LMF1: variants seen among roughly 807,000 people sequenced by gnomAD.
The protein encoded by LMF1 is transmembrane protein 112.
LMF1 carries 68 observed loss-of-function variants against 60.6 expected under a neutral mutation model. That is an observed-to-expected ratio of 1.12 (90% confidence interval 0.92 to 1.37). LMF1 has a LOEUF of 1.37. Among genes scored for constraint, LMF1 ranks in the 40% most tolerant of loss-of-function variants. The pLI, the probability that LMF1 is intolerant of heterozygous loss-of-function variation, is 0.00. For synonymous variants in LMF1, 418 were observed against 324.7 expected (o/e 1.29, Z -3.09); for missense variants, 948 against 767.2 (o/e 1.24, Z -2.78).
Position 953,351 on chromosome 16 carries a change from T to C in LMF1, c.503+1006A>G, listed in dbSNP as rs202026204. ...CACCCCAAACCAGCTTCCTACACGT[T>C]CACACAGACACGGACCCCAAACCAG... On this transcript the variant is annotated intron_variant, in intron 2 of 10. Coordinates refer to ENST00000262301, the MANE Select transcript of LMF1 (RefSeq NM_022773.4). Among the ~76,000 whole-genome samples, 100 of 37,770 alleles carry C rather than the reference T, an allele frequency of 2.6e-3. 1 individual carries two copies. Among genetic ancestry groups the C allele is most frequent in the Non-Finnish European group, 3.2e-3 (56 of 17,722 alleles). The allele number at this position is 37,770 out of a possible 152,430, so 24.8% of individuals were successfully genotyped here.
intron 6 of LMF1, among the ~76,000 whole-genome samples, chr16:875,008 G>A (rs1179616373): frequency 6.6e-6 from 1 of 152,164 alleles, no homozygotes; most frequent in South Asian, 2.1e-4. Context: ...ACTGCCGGCC[G>A]ACCATCTTGT....
chr16:934,376 T>C (rs954578677), intron 2 of LMF1, 122 bp from the exon 3 acceptor site: 10 of 1,270,196 alleles, frequency 7.9e-6, no homozygotes, highest in East Asian at 2.4e-5. Context: ...AGGGAAGCCC[T>C]GCGAGGAGGA....
chr16:977,993 C>G (rs1466972243), intron 1 of LMF1, among the ~76,000 whole-genome samples: 1 of 134,152 alleles, frequency 7.5e-6, no homozygotes, highest in Non-Finnish European at 1.6e-5. Context: ...CACATACACG[C>G]ACACACACAC....
At chr16:936,084 G>C (rs561434868) in intron 2 of LMF1, among the ~76,000 whole-genome samples, 1 of 147,970 alleles carries the variant, frequency 6.8e-6, no homozygotes, top group East Asian at 2.0e-4. Context: ...AAGGCTGGGA[G>C]GGAGAGAGGG....
At position 853,743 on chromosome 16, in the gene LMF1, CGAT is replaced by C. The variant is rs1567124275; in HGVS notation, c.*786_*788del. 2.2e-6 allele frequency: 1 copy of C among 454,102 alleles called. No individual in the cohort carries two copies. The highest frequency in any genetic ancestry group is 4.4e-6 in the Non-Finnish European group (1 of 226,786). 28.1% of individuals were successfully genotyped at this position (454,102 alleles called of 1,614,324 possible). ...TGTGCAGTAGACGCTGTTTGTCCGA[CGAT>C]GATGAAAGTGTGCACGGCCGGCTGT... On this transcript the variant is annotated 3_prime_UTR_variant, in exon 11 of 11. Coordinates refer to ENST00000262301, the MANE Select transcript of LMF1 (RefSeq NM_022773.4).
At chr16:925,145 T>C (rs57312130) in intron 3 of LMF1, among the ~76,000 whole-genome samples, 18,546 of 152,270 alleles carry the variant, frequency 0.12, 1,281 homozygotes, top group Non-Finnish European at 0.16. Flanking sequence ...TTGCTCACTG[T>C]CACTGTCACT....
chr16:920,298 C>A (rs548357353), intron 3 of LMF1, among the ~76,000 whole-genome samples: 2 of 152,376 alleles, frequency 1.3e-5, no homozygotes, highest in South Asian at 4.1e-4. Flanking sequence ...TCTCTACACA[C>A]CACACCCCAA....
intron 2 of LMF1, 36 bp from the exon 3 acceptor site, chr16:934,290 T>C (rs757668601): frequency 3.8e-6 from 6 of 1,598,918 alleles, no homozygotes; most frequent in Admixed American, 1.7e-5. Flanking sequence ...ATTAACACTT[T>C]GGCTTGTTTC....
intron 1 of LMF1, 25 bp downstream of exon 1, chr16:970,763 T>G: frequency 6.6e-7 from 1 of 1,503,936 alleles, no homozygotes; most frequent in Non-Finnish European, 8.9e-7. Context: ...CACTGGCGGA[T>G]GTCCCGGGCC....
intron 3 of LMF1, among the ~76,000 whole-genome samples, chr16:914,641 C>G (rs1030584810): frequency 5.0e-4 from 76 of 152,128 alleles, no homozygotes; most frequent in Non-Finnish European, 8.7e-4. Context: ...GACACACTCC[C>G]TCCCTCCTCA....
intron 1 of LMF1, among the ~76,000 whole-genome samples, chr16:977,270 A>G (rs1168586438): frequency 6.6e-6 from 1 of 152,198 alleles, no homozygotes; most frequent in African/African-American, 2.4e-5. Context: ...GAGACAGTGA[A>G]GTACAGGGAG....
At chr16:977,378 A>T (rs1390795515) in intron 1 of LMF1, among the ~76,000 whole-genome samples, 1 of 152,134 alleles carries the variant, frequency 6.6e-6, no homozygotes, top group African/African-American at 2.4e-5. Flanking sequence ...TCTCCCCTGG[A>T]GACCCGTCCG....
chr16:981,131 T>C (rs761115758), intron 1 of LMF1: 15 of 437,116 alleles, frequency 3.4e-5, no homozygotes, highest in South Asian at 2.2e-4. Context: ...CCGCGGCCCC[T>C]TGAAGCGCGT....
At chr16:914,668 A>C (rs1403997534) in intron 3 of LMF1, among the ~76,000 whole-genome samples, 13 of 103,974 alleles carry the variant, frequency 1.3e-4, no homozygotes, top group South Asian at 2.9e-4. Context: ...TTGGTGACAC[A>C]CTCCCTCCCT....
intron 3 of LMF1, among the ~76,000 whole-genome samples, chr16:918,720 G>A (rs770335546): frequency 2.1e-5 from 3 of 141,896 alleles, no homozygotes; most frequent in Non-Finnish European, 3.2e-5. Context: ...GGCAGCCTGC[G>A]TGGCTGAGAA....
chr16:869,865 C>T lies in LMF1; in HGVS notation c.1416+18G>A. ...GGGTACAGGCAGGTCCATGCGCCCG[C>T]CAGGGACCGTCCCCCACCTGGAAGG... On this transcript the variant is annotated intron_variant, in intron 9 of 10. Coordinates refer to ENST00000262301, the MANE Select transcript of LMF1 (RefSeq NM_022773.4). 2 of 1,606,642 alleles carry T rather than the reference C, an allele frequency of 1.2e-6. No homozygotes were observed. Among genetic ancestry groups the T allele is most frequent in the Non-Finnish European group, 1.7e-6 (2 of 1,177,584 alleles).
At chr16:939,381 C>T (rs12448994) in intron 2 of LMF1, among the ~76,000 whole-genome samples, 21,657 of 152,176 alleles carry the variant, frequency 0.14, 1,615 homozygotes, top group South Asian at 0.21. Flanking sequence ...AATATCCCTG[C>T]GCCACAAAGC....
chr16:968,001 G>A (rs948570330), intron 1 of LMF1, among the ~76,000 whole-genome samples: 2 of 152,222 alleles, frequency 1.3e-5, no homozygotes, highest in African/African-American at 2.4e-5. Context: ...TGAAAATGCC[G>A]CTTTCCGCTA....
chr16:938,766 A>G (rs2072012871), intron 2 of LMF1, among the ~76,000 whole-genome samples: 1 of 152,232 alleles, frequency 6.6e-6, no homozygotes, highest in African/African-American at 2.4e-5. Flanking sequence ...CAGTGCTCCC[A>G]TTACTGTGTG....
Sources: gnomAD v4.1 joint callset for allele counts (sites outside exome capture counted in the v4.1 genomes callset) on GRCh38, gnomAD v4.1.1 for gene constraint, MANE v1.5 for transcripts, NCBI Gene and HGNC (gene_info 2026-07-23, HGNC 2026-07-21) for gene names.